Variants in CDH18 observed in about 807,000 individuals in gnomAD.
CDH18 encodes cadherin-18.
In CDH18, 31 loss-of-function variants were observed where a neutral mutation model predicts 67.9. That is an observed-to-expected ratio of 0.46 (90% CI 0.34 to 0.62). The LOEUF is 0.62. Among genes scored for constraint, CDH18 ranks in the 20% least tolerant of loss-of-function variants. The pLI, the probability that CDH18 is intolerant of heterozygous loss-of-function variation, is 0.01. For missense variants in CDH18, 890 were observed against 975.5 expected, an observed-to-expected ratio of 0.91 and a Z score of 1.17; for synonymous variants, 362 against 347.2, an observed-to-expected ratio of 1.04 and a Z score of -0.48.
chr5:19,868,630 C>T (rs1785872180), intron 2 of CDH18, among the ~76,000 whole-genome samples: 1 of 152,128 alleles, frequency 6.6e-6, no homozygotes, highest in Non-Finnish European at 1.5e-5. Context: ...CCTCAGATTC[C>T]TCACATGGAA....
intron 2 of CDH18, among the ~76,000 whole-genome samples, chr5:19,947,990 A>C (rs907614820): frequency 1.3e-5 from 2 of 152,214 alleles, no homozygotes; most frequent in African/African-American, 4.8e-5. Context: ...CAGACCTTTC[A>C]CTGAAGGCAA....
chr5:19,696,748 G>C (rs1012569640), intron 5 of CDH18, among the ~76,000 whole-genome samples: 2 of 152,086 alleles, frequency 1.3e-5, no homozygotes, highest in East Asian at 3.9e-4. Context: ...TCTATGATGA[G>C]AGTACGGGAA....
chr5:19,481,921 A>G (rs1739490798), intron 12 of CDH18, among the ~76,000 whole-genome samples: 1 of 152,198 alleles, frequency 6.6e-6, no homozygotes, highest in Non-Finnish European at 1.5e-5. Flanking sequence ...GATTCCTTAC[A>G]TCCATCTTTC....
At chr5:19,911,392 C>T (rs1791130953) in intron 2 of CDH18, among the ~76,000 whole-genome samples, 1 of 151,960 alleles carries the variant, frequency 6.6e-6, no homozygotes, top group Non-Finnish European at 1.5e-5. Context: ...AAAGATTATA[C>T]TATTAGGAGA....
intron 1 of CDH18, among the ~76,000 whole-genome samples, chr5:20,318,057 C>T (rs991013046): frequency 4.6e-5 from 7 of 152,056 alleles, no homozygotes. Flanking sequence ...AGAACTTGTA[C>T]AACTTTATTG....
chr5:20,109,418 A>G (rs1719263679), intron 2 of CDH18, among the ~76,000 whole-genome samples: 2 of 152,220 alleles, frequency 1.3e-5, no homozygotes. Context: ...CAAAGACTGA[A>G]GGATAAAAAT....
At chr5:20,145,547 C>T (rs559269447) in intron 2 of CDH18, among the ~76,000 whole-genome samples, 1 of 152,216 alleles carries the variant, frequency 6.6e-6, no homozygotes, top group Admixed American at 6.5e-5. Flanking sequence ...TCAAGGTGTG[C>T]TGATTTAAAT....
chr5:20,504,511 C>T (rs543673306), intron 1 of CDH18, among the ~76,000 whole-genome samples: 3 of 152,082 alleles, frequency 2.0e-5, no homozygotes, highest in South Asian at 2.1e-4. Context: ...TCCATGAACT[C>T]GTTTTTTCTC....
intron 5 of CDH18, among the ~76,000 whole-genome samples, chr5:19,624,085 G>A (rs917078065): frequency 6.6e-6 from 1 of 151,154 alleles, no homozygotes; most frequent in African/African-American, 2.4e-5. Context: ...TTGGCTCACT[G>A]CAAACTCTGT....
intron 2 of CDH18, among the ~76,000 whole-genome samples, chr5:20,190,740 C>G (rs762086970): frequency 6.6e-6 from 1 of 152,112 alleles, no homozygotes; most frequent in Admixed American, 6.6e-5. Flanking sequence ...TCCTAACCCA[C>G]AGTATACATG....
intron 7 of CDH18, among the ~76,000 whole-genome samples, chr5:19,573,170 T>C (rs534015288): frequency 5.5e-4 from 84 of 152,300 alleles, no homozygotes; most frequent in African/African-American, 2.0e-3. Context: ...ACAAACATTA[T>C]GAATTTCAGA....
chr5:20,524,365 A>G (rs1258897474), intron 1 of CDH18, among the ~76,000 whole-genome samples: 3 of 152,338 alleles, frequency 2.0e-5, no homozygotes, highest in East Asian at 3.9e-4. Context: ...CAATTTTAAC[A>G]TATTTTTCTA....
chr5:19,843,574 C>T (rs977646118), intron 2 of CDH18, among the ~76,000 whole-genome samples: 1 of 152,242 alleles, frequency 6.6e-6, no homozygotes, highest in African/African-American at 2.4e-5. Context: ...GTCGGACCCC[C>T]GACATAGAGT....
At position 20,005,625 on chromosome 5, in the gene CDH18, C is replaced by T. The variant is rs148733304; in HGVS notation, c.-517-13611G>A. ...ATACATATACATATGCATACACACA[C>T]ATATATATATAATTTTCAAGTTATT... On this transcript the variant is annotated intron_variant, in intron 2 of 14. Coordinates refer to the CDH18 transcript ENST00000507958. Among the ~76,000 whole-genome samples the T allele has an allele frequency of 1.8e-3, 280 of 151,638 alleles. 2 individuals carry two copies. The highest frequency in any genetic ancestry group is 5.0e-3 in the African/African-American group (205 of 41,410).
chr5:20,512,215 T>G (rs2126488689), intron 1 of CDH18, among the ~76,000 whole-genome samples: 1 of 152,212 alleles, frequency 6.6e-6, no homozygotes, highest in East Asian at 1.9e-4. Context: ...AGAGTGAGAC[T>G]CTGTCTCAAA....
chr5:19,995,657 T>C (rs1384428032), intron 2 of CDH18, among the ~76,000 whole-genome samples: 3 of 151,968 alleles, frequency 2.0e-5, no homozygotes, highest in African/African-American at 7.2e-5. Flanking sequence ...GTATAGTCTT[T>C]GGCATAACAA....
rs538037469 is a variant in CDH18, at chr5:20,277,566, A to C, written c.-579-22061T>G. On this transcript the variant is annotated intron_variant, in intron 1 of 14. Transcript: ENST00000507958. ...AGAAGAATGAGTACAGCAAGCCCAG[A>C]ATATGAAGACTATAATAAATACCTA... 4.6e-5 allele frequency among the ~76,000 whole-genome samples: 7 copies of C among 152,216 alleles called. No homozygotes were observed. In the South Asian group the frequency reaches 1.4e-3, roughly 32 times the overall value.
intron 2 of CDH18, among the ~76,000 whole-genome samples, chr5:20,090,076 A>G (rs1279505280): frequency 1.3e-5 from 2 of 152,210 alleles, no homozygotes; most frequent in African/African-American, 4.8e-5. Flanking sequence ...ACAATTTCAC[A>G]TGGTTTATAA....
intron 2 of CDH18, among the ~76,000 whole-genome samples, chr5:20,241,725 GC>G (rs1338970950): frequency 6.6e-6 from 1 of 151,340 alleles, no homozygotes; most frequent in Non-Finnish European, 1.5e-5. Context: ...GTTGGGGGGC[GC>G]CTGTAGTCCC....
Sources: gnomAD v4.1 joint callset for allele counts (sites outside exome capture counted in the v4.1 genomes callset) on GRCh38, gnomAD v4.1.1 for gene constraint, MANE v1.5 for transcripts, NCBI Gene and HGNC (gene_info 2026-07-23, HGNC 2026-07-21) for gene names.